The following TMC7 variants were observed in gnomAD, a reference collection of about 807,000 sequenced individuals.
TMC7 encodes transmembrane channel like 7, also known as transmembrane channel-like protein 7.
Under a neutral mutation model 82.9 loss-of-function variants are expected in TMC7, and 54 were observed. The ratio of observed to expected loss-of-function variants is 0.65; its 90% confidence interval spans 0.52 to 0.82. The LOEUF is 0.82. TMC7 is among the 40% of genes least tolerant of loss of function. TMC7 has a pLI of 0.00. For missense variants in TMC7, 820 were observed against 901.2 expected (o/e 0.91, Z 1.15); for synonymous variants, 350 against 337.9 (o/e 1.04, Z -0.39).
chr16:19,023,044 C>T (rs1960054480), intron 4 of TMC7, 69 bp from the exon 5 acceptor site: 7 of 956,960 alleles, frequency 7.3e-6, no homozygotes, highest in Non-Finnish European at 1.1e-5. Context: ...AACAAACAAA[C>T]AAAAAAACCA....
At chr16:18,985,256 C>A (rs201361576) in intron 1 of TMC7, among the ~76,000 whole-genome samples, 59 of 134,246 alleles carry the variant, frequency 4.4e-4, no homozygotes, top group African/African-American at 5.0e-4. Context: ...AAGACTGTTT[C>A]AAAAAAAAAA....
chr16:19,030,356 T>C lies in TMC7; in HGVS notation c.844T>C (p.Trp282Arg). Reference protein sequence around the residue: ...TIASLALSLLWIVKRSVEGFK... With the variant: ...TIASLALSLLRIVKRSVEGFK... The stretch of plus-strand genomic sequence containing the variant: ...CGCCTCCCTGGCCCTGAGCCTTCTT[T>C]GGATAGTGAAAAGGTAAAGTCTGCC... The change falls in exon 6 of 16, where the codon TGG becomes CGG. Residue 282 changes from tryptophan to arginine, a missense_variant. Around this residue, in one of 2 missense-constraint regions of TMC7, gnomAD observed 650 missense variants for 669.9 expected, o/e 0.97. Coordinates refer to ENST00000304381, the MANE Select transcript of TMC7 (RefSeq NM_024847.4). 6.2e-7 allele frequency: 1 copy of C among 1,610,772 alleles called. No individual in the cohort carries two copies. The highest frequency in any genetic ancestry group is 1.7e-5 in the Admixed American group (1 of 59,154).
intron 6 of TMC7, among the ~76,000 whole-genome samples, chr16:19,035,272 T>G (rs1377243655): frequency 1.3e-5 from 2 of 152,110 alleles, no homozygotes; most frequent in South Asian, 2.1e-4. Context: ...TGAGGAATCC[T>G]AGAGTGGAGA....
At chr16:19,018,154 TAAAC>T (rs1328326360) in intron 3 of TMC7, among the ~76,000 whole-genome samples, 1 of 151,952 alleles carries the variant, frequency 6.6e-6, no homozygotes, top group African/African-American at 2.4e-5. Flanking sequence ...AAAACATAAA[TAAAC>T]AAACAGAAAG....
intron 7 of TMC7, 42 bp downstream of exon 7, chr16:19,035,865 C>T: frequency 6.5e-7 from 1 of 1,531,130 alleles, no homozygotes. Context: ...TCCTCACCAG[C>T]AAGGTCCTGC....
intron 12 of TMC7, among the ~76,000 whole-genome samples, chr16:19,047,923 A>G (rs1961359858): frequency 6.9e-6 from 1 of 145,052 alleles, no homozygotes; most frequent in Admixed American, 7.1e-5. Flanking sequence ...CTGGTCTTGA[A>G]CTCCTGACCT....
In TMC7 at chr16:19,020,298, C is replaced by T. The variant is rs112505331; in HGVS notation, c.461-1331C>T. ...AGAATGAGAAAAAGGTGCCGATTAT[C>T]ACAGATTCTATTCAAAATCATCCTG... On this transcript the variant is annotated intron_variant, in intron 3 of 15. Coordinates refer to ENST00000304381, the MANE Select transcript of TMC7 (RefSeq NM_024847.4). 2.8e-3 allele frequency among the ~76,000 whole-genome samples: 421 copies of T among 152,216 alleles called. 6 individuals are homozygous for T. The highest frequency in any genetic ancestry group is 9.5e-3 in the African/African-American group (395 of 41,548).
chr16:19,002,034 C>T lies in TMC7; in HGVS notation c.68-7138C>T, dbSNP rs1333329933. ...TTGGGCAAGTTTCTTGGCTAGAACG[C>T]GGGGGAAGCTGGTGGTGGTTTTAGT... On this transcript the variant is annotated intron_variant, in intron 1 of 15. Coordinates refer to ENST00000304381, the MANE Select transcript of TMC7 (RefSeq NM_024847.4). Among the ~76,000 whole-genome samples, 7 of 152,134 alleles carry T rather than the reference C, an allele frequency of 4.6e-5. No individual in the cohort carries two copies. In the East Asian group the frequency reaches 9.7e-4, roughly 21 times the overall value.
chr16:19,011,871 G>A (rs1959369570), intron 2 of TMC7, among the ~76,000 whole-genome samples: 1 of 152,164 alleles, frequency 6.6e-6, no homozygotes, highest in African/African-American at 2.4e-5. Flanking sequence ...AGCTGGCACA[G>A]TGGCTTACAC....
At chr16:19,059,316 C>G (rs1456033182) in intron 14 of TMC7, 100 bp from the exon 15 acceptor site, 10 of 1,533,016 alleles carry the variant, frequency 6.5e-6, no homozygotes, top group Non-Finnish European at 7.0e-6. Context: ...TCTTTTCTAA[C>G]AAGAGTAAAA....
chr16:19,051,159 A>G (rs1444904868), intron 12 of TMC7, among the ~76,000 whole-genome samples: 2 of 146,322 alleles, frequency 1.4e-5, no homozygotes, highest in Non-Finnish European at 3.0e-5. Flanking sequence ...TTCCCCTTCT[A>G]TTTCATCAGC....
At chr16:18,995,227 C>T (rs569518535) in intron 1 of TMC7, among the ~76,000 whole-genome samples, 5 of 152,178 alleles carry the variant, frequency 3.3e-5, no homozygotes, top group African/African-American at 4.8e-5. Flanking sequence ...ATACCTACAA[C>T]GGTTATGGAG....
chr16:19,011,550 A>T (rs906673680), intron 2 of TMC7, among the ~76,000 whole-genome samples: 14 of 82,826 alleles, frequency 1.7e-4, no homozygotes, highest in African/African-American at 3.4e-4. Flanking sequence ...AATAAATAAA[A>T]TAATAATAAT....
At position 19,016,502 on chromosome 16, in the gene TMC7, C is replaced by T. The variant is rs779132392; in HGVS notation, c.364C>T (p.Arg122Trp). ...KYLSEWDQWK[R>W]YSSKSWKRFL... ...TCTCTCCGAATGGGACCAGTGGAAG[C>T]GGTATAGCAGCAAGTCTTGGAAGAG... Residue 122 changes from arginine (R) to tryptophan (W), a missense_variant, in exon 3 of 16, where the codon CGG becomes TGG. By Grantham distance (101) the Arg-to-Trp change is moderately radical. This residue lies in a region of TMC7 where 650 missense variants were observed against 669.9 expected (regional missense o/e 0.97). Transcript: ENST00000304381. 4.3e-5 allele frequency: 70 copies of T among 1,613,982 alleles called. No individual in the cohort carries two copies. Among genetic ancestry groups the T allele is most frequent in the Non-Finnish European group, 5.4e-5 (64 of 1,180,034 alleles).
At chr16:19,029,166 C>A (rs1336348699) in intron 5 of TMC7, among the ~76,000 whole-genome samples, 1 of 151,568 alleles carries the variant, frequency 6.6e-6, no homozygotes, top group African/African-American at 2.4e-5. Flanking sequence ...CCACCACACC[C>A]GGCTAATTTT....
At chr16:19,048,137 ATT>A (rs113659581) in intron 12 of TMC7, among the ~76,000 whole-genome samples, 4 of 137,684 alleles carry the variant, frequency 2.9e-5, no homozygotes, top group Non-Finnish European at 1.6e-5. Flanking sequence ...GTTTTTTTGA[ATT>A]TTTTTTTTTT....
intron 1 of TMC7, among the ~76,000 whole-genome samples, chr16:18,998,830 C>CAA (rs2039091812): frequency 6.6e-6 from 1 of 151,944 alleles, no homozygotes; most frequent in African/African-American, 2.4e-5. Flanking sequence ...TGGAGTTAGT[C>CAA]ACTGCTCCTG....
At position 18,983,952 on chromosome 16, in the gene TMC7, T is replaced by A; in HGVS notation, c.-112T>A. On this transcript the variant is annotated 5_prime_UTR_variant, in exon 1 of 16. Transcript: ENST00000304381. ...GCGCCCCACTCCGGCTTCTGTGATG[T>A]CAGCGCCGGAACCTGGAATCCCGGC... 8.4e-7 allele frequency: 1 copy of A among 1,186,696 alleles called. No homozygotes were observed. The highest frequency in any genetic ancestry group is 1.1e-6 in the Non-Finnish European group (1 of 915,896). The allele number at this position is 1,186,696 out of a possible 1,614,324, so 73.5% of individuals were successfully genotyped here. A position where few individuals can be genotyped will look rare whatever the true frequency, so the allele number is the denominator to read the frequency against.
intron 1 of TMC7, among the ~76,000 whole-genome samples, chr16:18,986,632 G>A (rs993232398): frequency 6.6e-6 from 1 of 152,066 alleles, no homozygotes; most frequent in African/African-American, 2.4e-5. Context: ...GCAACCAACA[G>A]GATCTGGTGA....
Sources: allele counts gnomAD v4.1 joint callset (sites outside exome capture counted in the v4.1 genomes callset), GRCh38; gene constraint gnomAD v4.1.1; regional missense constraint gnomAD v4.1.1; transcripts MANE v1.5; gene names NCBI Gene and HGNC (gene_info 2026-07-23, HGNC 2026-07-21).